The following MECOM variants were observed in gnomAD, a reference collection of about 807,000 sequenced individuals.
MECOM encodes MDS1 and EVI1 complex locus, also known as histone-lysine N-methyltransferase MECOM.
A neutral mutation model predicts 116.3 loss-of-function variants in MECOM; 13 were observed. That is an observed-to-expected ratio of 0.11 (90% CI 0.07 to 0.18). The LOEUF is 0.18. MECOM is among the 10% of genes least tolerant of loss of function. The pLI is 1.00. For synonymous variants in MECOM, 528 were observed against 535.2 expected, an observed-to-expected ratio of 0.99 and a Z score of 0.19; for missense variants, 1,299 against 1,509.0, an observed-to-expected ratio of 0.86 and a Z score of 2.31.
At chr3:169,191,766 G>GAAAGAAAGAA (rs1559973926) in intron 2 of MECOM, among the ~76,000 whole-genome samples, 14 of 133,286 alleles carry the variant, frequency 1.1e-4, no homozygotes, top group African/African-American at 3.9e-4. Context: ...AAGAAAGAAA[G>GAAAGAAAGAA]AAAGAAAGAA....
At chr3:169,440,696 A>T (rs1488033126) in intron 1 of MECOM, among the ~76,000 whole-genome samples, 1 of 152,170 alleles carries the variant, frequency 6.6e-6, no homozygotes, top group African/African-American at 2.4e-5. Flanking sequence ...TTATCTTTTT[A>T]GGGATAAACC....
At chr3:169,486,029 A>ATATATATACATAGATATAC (rs1416714963) in intron 1 of MECOM, among the ~76,000 whole-genome samples, 5 of 115,778 alleles carry the variant, frequency 4.3e-5, no homozygotes, top group South Asian at 2.4e-4. Flanking sequence ...TATATATAGT[A>ATATATATACATAGATATAC]TATATATATA....
chr3:169,171,791 A>G (rs1280220737), intron 2 of MECOM, among the ~76,000 whole-genome samples: 1 of 152,098 alleles, frequency 6.6e-6, no homozygotes, highest in Non-Finnish European at 1.5e-5. Flanking sequence ...TAGAAGAGCA[A>G]ACTATTAAAA....
intron 1 of MECOM, among the ~76,000 whole-genome samples, chr3:169,398,894 G>A (rs534949802): frequency 2.0e-5 from 3 of 152,280 alleles, no homozygotes; most frequent in Admixed American, 6.5e-5. Flanking sequence ...CCTTGCTAAA[G>A]AGGCAGCATT....
At chr3:169,143,904 A>C in intron 2 of MECOM, 72 bp from the exon 3 acceptor site, 1 of 1,443,884 alleles carries the variant, frequency 6.9e-7, no homozygotes, top group South Asian at 1.5e-5. Context: ...TTGTTTGAAA[A>C]TATTTCATTG....
intron 2 of MECOM, among the ~76,000 whole-genome samples, chr3:169,254,976 C>T (rs535896688): frequency 1.3e-5 from 2 of 152,232 alleles, no homozygotes; most frequent in Admixed American, 6.5e-5. Flanking sequence ...GACCATGGAG[C>T]ATGGCCACCA....
chr3:169,305,264 T>C (rs1408585366), intron 2 of MECOM, among the ~76,000 whole-genome samples: 2 of 152,216 alleles, frequency 1.3e-5, no homozygotes, highest in Non-Finnish European at 2.9e-5. Flanking sequence ...GATTTTATTA[T>C]GTTACTTGAG....
chr3:169,137,630 A>G (rs1282644373), intron 3 of MECOM, among the ~76,000 whole-genome samples: 1 of 152,116 alleles, frequency 6.6e-6, no homozygotes, highest in Non-Finnish European at 1.5e-5. Flanking sequence ...AAGATCAAGT[A>G]CTGCCTTGCT....
intron 1 of MECOM, among the ~76,000 whole-genome samples, chr3:169,637,236 G>T: frequency 6.6e-6 from 1 of 152,098 alleles, no homozygotes. Flanking sequence ...CAGCTTAGTG[G>T]TCTTCTAATG....
chr3:169,265,568 C>T (rs1577518435), intron 2 of MECOM, among the ~76,000 whole-genome samples: 1 of 152,292 alleles, frequency 6.6e-6, no homozygotes, highest in Middle Eastern at 3.4e-3. Context: ...AGGTTCTTTT[C>T]AAGCTAGAGA....
intron 1 of MECOM, among the ~76,000 whole-genome samples, chr3:169,499,013 A>G (rs1284322077): frequency 1.3e-5 from 2 of 152,198 alleles, no homozygotes; most frequent in Non-Finnish European, 2.9e-5. Flanking sequence ...AATTTTACGA[A>G]GAAACAATAA....
intron 1 of MECOM, among the ~76,000 whole-genome samples, chr3:169,650,642 A>G (rs1774776295): frequency 6.6e-6 from 1 of 152,126 alleles, no homozygotes; most frequent in Non-Finnish European, 1.5e-5. Flanking sequence ...TCCAGAAGCC[A>G]AAGATGCTTG....
intron 2 of MECOM, among the ~76,000 whole-genome samples, chr3:169,219,233 G>A (rs187207882): frequency 6.0e-4 from 91 of 152,264 alleles, no homozygotes; most frequent in African/African-American, 1.9e-3. Context: ...TAGGCCAGGC[G>A]CGGTGGCTCA....
At chr3:169,304,902 C>T (rs1473453545) in intron 2 of MECOM, among the ~76,000 whole-genome samples, 2 of 152,224 alleles carry the variant, frequency 1.3e-5, no homozygotes, top group Non-Finnish European at 2.9e-5. Context: ...CTGAGTCCCT[C>T]CTACGTGCAA....
At chr3:169,411,145 A>C (rs928094832) in intron 1 of MECOM, among the ~76,000 whole-genome samples, 2 of 152,208 alleles carry the variant, frequency 1.3e-5, no homozygotes. Flanking sequence ...GGATGAAACT[A>C]TTAAACTACA....
chr3:169,368,481 C>T (rs1369938384), intron 2 of MECOM, among the ~76,000 whole-genome samples: 1 of 151,816 alleles, frequency 6.6e-6, no homozygotes. Flanking sequence ...CCTCCTACTC[C>T]CCATTTTTTC....
intron 2 of MECOM, among the ~76,000 whole-genome samples, chr3:169,301,084 T>C (rs1214218706): frequency 6.6e-6 from 1 of 152,214 alleles, no homozygotes; most frequent in African/African-American, 2.4e-5. Flanking sequence ...TTTTAACATG[T>C]TAGTTGGCTA....
At chr3:169,514,145 C>T (rs996941850) in intron 1 of MECOM, among the ~76,000 whole-genome samples, 2 of 152,204 alleles carry the variant, frequency 1.3e-5, no homozygotes, top group African/African-American at 4.8e-5. Context: ...CATACCTTTA[C>T]ATTTTTGAGT....
intron 1 of MECOM, among the ~76,000 whole-genome samples, chr3:169,409,176 A>T (rs1467776739): frequency 6.6e-6 from 1 of 152,148 alleles, no homozygotes; most frequent in Admixed American, 6.5e-5. Context: ...CACCAACCTA[A>T]GGCCCGAGCT....
Sources: gnomAD v4.1 joint callset for allele counts (sites outside exome capture counted in the v4.1 genomes callset) on GRCh38, gnomAD v4.1.1 for gene constraint, MANE v1.5 for transcripts, NCBI Gene and HGNC (gene_info 2026-07-23, HGNC 2026-07-21) for gene names.